The following C2CD3 variants were observed in gnomAD, a reference collection of about 807,000 sequenced individuals.
C2CD3 encodes the protein C2 domain containing 3 centriole elongation regulator.
In C2CD3, 148 loss-of-function variants were observed where a neutral mutation model predicts 234.0. The ratio of observed to expected loss-of-function variants is 0.63; its 90% CI spans 0.55 to 0.72. The LOEUF (loss-of-function observed/expected upper bound fraction) is 0.72, where lower values mean the gene tolerates loss of function less well. Ranked by LOEUF, C2CD3 falls within the 30% of genes least tolerant of loss-of-function variation. C2CD3 has a pLI of 0.00. For missense variants in C2CD3, 2,577 were observed against 2,811.5 expected (o/e 0.92, Z 1.89); for synonymous variants, 1,000 against 1,035.4 (o/e 0.97, Z 0.66).
At chr11:74,076,176 A>T (rs146926425) in intron 23 of C2CD3, among the ~76,000 whole-genome samples, 1 of 152,164 alleles carries the variant, frequency 6.6e-6, no homozygotes, top group East Asian at 1.9e-4. Context: ...AGGCCTGCCC[A>T]GATAAAACAG....
chr11:74,080,630 G>T (rs1463216682), intron 22 of C2CD3, among the ~76,000 whole-genome samples: 1 of 152,110 alleles, frequency 6.6e-6, no homozygotes, highest in Non-Finnish European at 1.5e-5. Context: ...GCTCACTTTA[G>T]AACAAAGAGA....
At chr11:74,049,203 G>T (rs771291579) in intron 27 of C2CD3, 134 bp downstream of exon 27, 3 of 700,070 alleles carry the variant, frequency 4.3e-6, no homozygotes, top group Admixed American at 5.3e-5. Flanking sequence ...ACCCCAAAAG[G>T]TCAGGAGGTT....
At chr11:74,115,436 T>C (rs994290096) in intron 9 of C2CD3, among the ~76,000 whole-genome samples, 3 of 152,152 alleles carry the variant, frequency 2.0e-5, no homozygotes, top group African/African-American at 7.2e-5. Flanking sequence ...ATGCATATTT[T>C]CTACACAGTT....
intron 32 of C2CD3, chr11:74,016,486 A>G (rs1951883653): frequency 6.6e-6 from 1 of 152,368 alleles, no homozygotes; most frequent in Non-Finnish European, 1.5e-5. Flanking sequence ...TAACCCAATG[A>G]CCTAGGGGGC....
intron 11 of C2CD3, among the ~76,000 whole-genome samples, chr11:74,112,513 A>G (rs1194774092): frequency 6.6e-6 from 1 of 152,194 alleles, no homozygotes; most frequent in African/African-American, 2.4e-5. Context: ...AGAGAGTGAA[A>G]GGACAACCCA....
chr11:74,071,904 G>A (rs1168135143), intron 24 of C2CD3, among the ~76,000 whole-genome samples: 4 of 152,004 alleles, frequency 2.6e-5, no homozygotes, highest in African/African-American at 9.7e-5. Flanking sequence ...GTAATTCACT[G>A]TCTCATTGAA....
intron 24 of C2CD3, among the ~76,000 whole-genome samples, chr11:74,059,612 A>G (rs1954131840): frequency 6.6e-6 from 1 of 152,004 alleles, no homozygotes; most frequent in African/African-American, 2.4e-5. Flanking sequence ...GGAACCACAG[A>G]TTTTATTCCT....
At chr11:74,057,902 T>C (rs2135439980) in intron 24 of C2CD3, among the ~76,000 whole-genome samples, 1 of 152,232 alleles carries the variant, frequency 6.6e-6, no homozygotes, top group South Asian at 2.1e-4. Context: ...GAGGCTGCAG[T>C]GAGCTGAGAT....
At chr11:74,142,223 T>C (rs1854850238) in intron 3 of C2CD3, 2 of 152,236 alleles carry the variant, frequency 1.3e-5, no homozygotes, top group South Asian at 4.1e-4. Context: ...ATTTGCTGTA[T>C]CCCTGGGGGT....
In C2CD3 at chr11:74,062,984, A is replaced by G. The variant is rs542020876; in HGVS notation, c.4952-5440T>C. 5.3e-5 allele frequency among the ~76,000 whole-genome samples: 8 copies of G among 152,378 alleles called. 1 individual carries two copies. In the South Asian group the frequency reaches 1.4e-3, roughly 28 times the overall value. ...TCCCACAGAAATACAAACTATCATC[A>G]GAGAATACTACAAGCATCTCTATGC... On this transcript the variant is annotated intron_variant, in intron 24 of 32. Transcript: ENST00000334126.
Position 74,075,587 on chromosome 11 carries a change from T to A in C2CD3, c.4604-987A>T, listed in dbSNP as rs1432299927. Among the ~76,000 whole-genome samples the A allele has an allele frequency of 2.0e-5, 3 of 152,240 alleles. No homozygotes were observed. In the East Asian group the frequency reaches 5.8e-4, roughly 29 times the overall value. ...TTTATAAAACAGAAGGAACTAATAG[T>A]TCCTTCTGAATCTCAAAGTTTGCTT... On this transcript the variant is annotated intron_variant, in intron 23 of 32. Transcript: ENST00000334126.
chr11:74,161,777 A>C (rs1856489563), intron 2 of C2CD3, among the ~76,000 whole-genome samples: 1 of 151,932 alleles, frequency 6.6e-6, no homozygotes, highest in Admixed American at 6.6e-5. Context: ...AACTCAAAAA[A>C]GTACAAAAGC....
intron 28 of C2CD3, among the ~76,000 whole-genome samples, chr11:74,047,598 C>T (rs538473574): frequency 1.3e-5 from 2 of 152,300 alleles, no homozygotes; most frequent in South Asian, 4.1e-4. Context: ...AAAGGGTCTG[C>T]TCAGTAACTG....
chr11:74,057,727 T>C (rs1377173493), intron 24 of C2CD3, among the ~76,000 whole-genome samples, 183 bp from the exon 25 acceptor site: 3 of 152,044 alleles, frequency 2.0e-5, no homozygotes, highest in South Asian at 2.1e-4. Flanking sequence ...TCCCAGCACG[T>C]TGGGAGACCA....
intron 26 of C2CD3, 75 bp downstream of exon 26, chr11:74,054,532 A>AT: frequency 5.9e-6 from 4 of 679,218 alleles, no homozygotes; most frequent in Non-Finnish European, 7.3e-6. Context: ...AAAAAAAAAA[A>AT]GGAATGGTAG....
At chr11:74,094,307 A>T (rs1031947014) in intron 17 of C2CD3, among the ~76,000 whole-genome samples, 8 of 150,720 alleles carry the variant, frequency 5.3e-5, no homozygotes, top group Admixed American at 2.0e-4. Context: ...GTATTTTTCC[A>T]TGTGCTTATT....
At chr11:74,105,792 C>A (rs992423407) in intron 13 of C2CD3, among the ~76,000 whole-genome samples, 4 of 152,174 alleles carry the variant, frequency 2.6e-5, no homozygotes, top group African/African-American at 9.7e-5. Flanking sequence ...GGACTAATGC[C>A]ACAGCCCATT....
At chr11:74,015,209 C>A (rs1006708006) in intron 32 of C2CD3, among the ~76,000 whole-genome samples, 2 of 152,218 alleles carry the variant, frequency 1.3e-5, no homozygotes, top group Admixed American at 1.3e-4. Context: ...AGGCCAGTTC[C>A]AAGACAGGAG....
At chr11:74,032,413 T>A (rs149501089) in intron 31 of C2CD3, among the ~76,000 whole-genome samples, 8 of 152,216 alleles carry the variant, frequency 5.3e-5, no homozygotes, top group African/African-American at 1.9e-4. Flanking sequence ...AGGCTGTAGA[T>A]GGTCCTAAGT....
Sources: allele counts gnomAD v4.1 joint callset (sites outside exome capture counted in the v4.1 genomes callset), GRCh38; gene constraint gnomAD v4.1.1; transcripts MANE v1.5; gene names NCBI Gene and HGNC (gene_info 2026-07-23, HGNC 2026-07-21).